The following RARB variants were observed in gnomAD, a reference collection of about 807,000 sequenced individuals.
RARB encodes HBV-activated protein.
A neutral mutation model predicts 51.9 loss-of-function variants in RARB; 17 were observed. The ratio of observed to expected loss-of-function variants is 0.33; its 90% confidence interval spans 0.22 to 0.49. The LOEUF is 0.49. Among genes scored for constraint, RARB ranks in the 20% least tolerant of loss-of-function variants. The probability of loss-of-function intolerance (pLI) is 0.99; values close to 1 mark genes in which losing one functional copy is unlikely to be tolerated. For missense variants in RARB, 369 were observed against 550.8 expected, an observed-to-expected ratio of 0.67 and a Z score of 3.30; for synonymous variants, 215 against 195.4, an observed-to-expected ratio of 1.10 and a Z score of -0.84.
At chr3:25,132,546 T>C (rs1196017986) in intron 4 of RARB, among the ~76,000 whole-genome samples, 1 of 151,912 alleles carries the variant, frequency 6.6e-6, no homozygotes, top group Non-Finnish European at 1.5e-5. Flanking sequence ...ATTATTGCAA[T>C]TGATTCTCTC....
intron 5 of RARB, among the ~76,000 whole-genome samples, chr3:25,585,643 G>A (rs1701354063): frequency 6.6e-6 from 1 of 152,212 alleles, no homozygotes; most frequent in Admixed American, 6.5e-5. Flanking sequence ...CGTGGGTGGT[G>A]CAACCAGGCC....
intron 5 of RARB, among the ~76,000 whole-genome samples, chr3:25,201,561 G>A (rs543767961): frequency 1.3e-5 from 2 of 152,168 alleles, no homozygotes; most frequent in African/African-American, 4.8e-5. Context: ...GATATTGGCT[G>A]TGGGTTTGTC....
chr3:24,955,033 A>T (rs1352628904), intron 2 of RARB, among the ~76,000 whole-genome samples: 1 of 152,166 alleles, frequency 6.6e-6, no homozygotes, highest in African/African-American at 2.4e-5. Context: ...GCAGCCTTTT[A>T]CATCCTGCCC....
rs187314869 is a variant in RARB at position 25,059,401 on chromosome 3, T to C, written c.-379-724T>C. ...CCCCCAGAAAAAAACCATACCGATATACACTTCCACTAGCTGGAAATATGT... is the reference window on the plus strand; with the variant it reads ...CCCCCAGAAAAAAACCATACCGATACACACTTCCACTAGCTGGAAATATGT... On this transcript the variant is annotated intron_variant, in intron 2 of 11. Coordinates refer to the RARB transcript ENST00000383772. Among the ~76,000 whole-genome samples the C allele has an allele frequency of 1.2e-4, 18 of 151,914 alleles. No homozygotes were observed. The East Asian group carries it at 2.1e-3, about 18-fold the overall frequency.
chr3:24,989,079 G>C (rs113770308), intron 2 of RARB, among the ~76,000 whole-genome samples: 2 of 152,292 alleles, frequency 1.3e-5, no homozygotes, highest in African/African-American at 2.4e-5. Flanking sequence ...GCCTGTCTCG[G>C]CCTCCCAAAG....
intron 2 of RARB, among the ~76,000 whole-genome samples, chr3:25,045,351 G>C (rs1419026606): frequency 6.6e-6 from 1 of 152,208 alleles, no homozygotes; most frequent in East Asian, 1.9e-4. Context: ...GTTCTGCAGT[G>C]AGACAGGAGG....
intron 2 of RARB, among the ~76,000 whole-genome samples, chr3:24,987,934 C>T (rs1696829626): frequency 6.7e-6 from 1 of 149,776 alleles, no homozygotes; most frequent in Non-Finnish European, 1.5e-5. Context: ...GGCTTCTCTT[C>T]TTTCAACATC....
At chr3:25,142,175 A>C (rs1484282767) in intron 4 of RARB, among the ~76,000 whole-genome samples, 2 of 152,130 alleles carry the variant, frequency 1.3e-5, no homozygotes, top group African/African-American at 4.8e-5. Context: ...CTACTAAAAA[A>C]GCACAAAAAT....
chr3:25,417,016 C>T (rs541833873), intron 5 of RARB, among the ~76,000 whole-genome samples: 2 of 152,280 alleles, frequency 1.3e-5, no homozygotes, highest in Middle Eastern at 3.4e-3. Context: ...TAATCAACTT[C>T]ATATATTTGA....
intron 2 of RARB, among the ~76,000 whole-genome samples, chr3:25,489,603 A>G (rs1696628729): frequency 6.6e-6 from 1 of 152,256 alleles, no homozygotes; most frequent in South Asian, 2.1e-4. Context: ...ACAAAGATCA[A>G]TTGTTGCACT....
At chr3:25,355,729 G>A (rs545908601) in intron 5 of RARB, among the ~76,000 whole-genome samples, 1 of 152,218 alleles carries the variant, frequency 6.6e-6, no homozygotes, top group African/African-American at 2.4e-5. Flanking sequence ...TGTGACCACA[G>A]CATTTTCCAA....
intron 2 of RARB, among the ~76,000 whole-genome samples, chr3:25,026,119 C>T (rs1191798066): frequency 1.3e-5 from 2 of 152,042 alleles, no homozygotes; most frequent in Non-Finnish European, 2.9e-5. Context: ...TTGATAAAAG[C>T]CGTGGGCCTT....
At chr3:25,252,040 G>A (rs576445023) in intron 5 of RARB, among the ~76,000 whole-genome samples, 2 of 152,154 alleles carry the variant, frequency 1.3e-5, no homozygotes, top group South Asian at 2.1e-4. Flanking sequence ...TGTATATGAT[G>A]TGAGATAGGG....
At chr3:25,038,416 C>T (rs1233952728) in intron 2 of RARB, among the ~76,000 whole-genome samples, 1 of 151,972 alleles carries the variant, frequency 6.6e-6, no homozygotes, top group African/African-American at 2.4e-5. Flanking sequence ...CCTTGAGTTT[C>T]TCTAACTTAA....
chr3:24,980,586 A>G (rs1033876823), intron 2 of RARB, among the ~76,000 whole-genome samples: 3 of 152,152 alleles, frequency 2.0e-5, no homozygotes, highest in Non-Finnish European at 4.4e-5. Context: ...TGCTTCACAC[A>G]GTTCTCATAC....
intron 3 of RARB, among the ~76,000 whole-genome samples, chr3:25,522,417 A>G (rs1698441942): frequency 6.6e-6 from 1 of 152,166 alleles, no homozygotes; most frequent in Admixed American, 6.5e-5. Context: ...TGTATACCAA[A>G]CACAGACCGC....
intron 1 of RARB, among the ~76,000 whole-genome samples, chr3:24,848,471 A>C (rs1702512798): frequency 6.6e-6 from 1 of 152,142 alleles, no homozygotes; most frequent in Non-Finnish European, 1.5e-5. Flanking sequence ...GAGCATTCTT[A>C]AGCCTATTGA....
intron 5 of RARB, among the ~76,000 whole-genome samples, chr3:25,254,473 C>A (rs1371826516): frequency 6.6e-6 from 1 of 152,124 alleles, no homozygotes; most frequent in Non-Finnish European, 1.5e-5. Flanking sequence ...TTTTACATAG[C>A]TGAAAAATGC....
chr3:25,579,455 A>AGT (rs1334674908), intron 4 of RARB, among the ~76,000 whole-genome samples: 2 of 152,162 alleles, frequency 1.3e-5, no homozygotes, highest in African/African-American at 4.8e-5. Flanking sequence ...ATATAAATGG[A>AGT]ATCGTTTTGA....
Sources: allele counts gnomAD v4.1 joint callset (sites outside exome capture counted in the v4.1 genomes callset), GRCh38; gene constraint gnomAD v4.1.1; transcripts MANE v1.5; gene names NCBI Gene and HGNC (gene_info 2026-07-23, HGNC 2026-07-21).